The following TNNI3K variants were observed in gnomAD, a reference collection of about 807,000 sequenced individuals.
TNNI3K encodes the protein serine/threonine-protein kinase TNNI3K.
TNNI3K carries 140 observed loss-of-function variants against 114.5 expected under a neutral mutation model. The ratio of observed to expected loss-of-function variants is 1.22; its 90% CI spans 1.07 to 1.41. The LOEUF (loss-of-function observed/expected upper bound fraction) is 1.41, where lower values mean the gene tolerates loss of function less well. TNNI3K is among the 40% of genes most tolerant of loss of function. The pLI is 0.00. For missense variants in TNNI3K, 1,125 were observed against 1,007.6 expected, an observed-to-expected ratio of 1.12 and a Z score of -1.58; for synonymous variants, 347 against 347.5, an observed-to-expected ratio of 1.00 and a Z score of 0.02.
At chr1:74,258,003 C>T (rs565130465) in intron 4 of TNNI3K, among the ~76,000 whole-genome samples, 1 of 152,244 alleles carries the variant, frequency 6.6e-6, no homozygotes, top group Non-Finnish European at 1.5e-5. Flanking sequence ...GCATGTGGCT[C>T]TCACACCTGA....
At chr1:74,514,816 G>C (rs1210225625) in intron 23 of TNNI3K, among the ~76,000 whole-genome samples, 2 of 152,158 alleles carry the variant, frequency 1.3e-5, no homozygotes, top group African/African-American at 2.4e-5. Context: ...ATATGTTGAA[G>C]TCTCAGACCC....
chr1:74,388,845 C>T (rs1176902617), intron 17 of TNNI3K, among the ~76,000 whole-genome samples: 8 of 152,162 alleles, frequency 5.3e-5, no homozygotes, highest in Admixed American at 5.2e-4. Flanking sequence ...AGGAATGTCT[C>T]CCCACCTCCA....
At chr1:74,345,948 T>C (rs1447501000) in intron 9 of TNNI3K, 1 of 152,234 alleles carries the variant, frequency 6.6e-6, no homozygotes, top group African/African-American at 2.4e-5. Context: ...AAAATTTGTC[T>C]ATAAAAATCT....
Position 74,235,482 on chromosome 1 carries a change from A to C in TNNI3K, c.31A>C (p.Thr11Pro). ...AAATTATAAATCTAGACCAACCCAA[A>C]CTTGTACTGGTAATTATTCTAATTA... MGNYKSRPTQ[T>P]CTDEWKKKVS... is the part of the protein sequence containing the mutation. The change falls in exon 1 of 25, where the codon ACT becomes CCT. Residue 11 changes from threonine (T) to proline (P), a missense_variant. Thr to Pro is a conservative substitution (Grantham distance 38). Transcript: ENST00000326637. The C allele has an allele frequency of 6.8e-7, 1 of 1,477,452 alleles. No homozygotes were observed. The highest frequency in any genetic ancestry group is 9.3e-7 in the Non-Finnish European group (1 of 1,073,700). 91.5% of individuals were successfully genotyped at this position (1,477,452 alleles called of 1,614,324 possible).
chr1:74,541,678 G>C (rs1646728493), intron 24 of TNNI3K: 1 of 152,150 alleles, frequency 6.6e-6, no homozygotes, highest in Admixed American at 6.6e-5. Context: ...CCCCAAGATG[G>C]AGAAGTAAGA....
chr1:74,390,872 G>C (rs1207411755), intron 17 of TNNI3K, among the ~76,000 whole-genome samples: 1 of 151,208 alleles, frequency 6.6e-6, no homozygotes, highest in Admixed American at 6.6e-5. Flanking sequence ...GCTCCATCCT[G>C]GTAAAGATAT....
chr1:74,434,028 T>A, intron 17 of TNNI3K, among the ~76,000 whole-genome samples: 1 of 152,040 alleles, frequency 6.6e-6, no homozygotes, highest in East Asian at 1.9e-4. Context: ...ATGGATCCAC[T>A]CTACTGCTTT....
intron 5 of TNNI3K, among the ~76,000 whole-genome samples, chr1:74,306,413 T>A (rs1658636430): frequency 6.6e-6 from 1 of 152,232 alleles, no homozygotes; most frequent in Non-Finnish European, 1.5e-5. Flanking sequence ...GATTGCTGGA[T>A]CAAATGGTAG....
intron 17 of TNNI3K, among the ~76,000 whole-genome samples, chr1:74,417,636 T>A (rs538307298): frequency 6.6e-6 from 1 of 151,232 alleles, no homozygotes; most frequent in Non-Finnish European, 1.5e-5. Flanking sequence ...ACTAACAGGG[T>A]TACATGCTAT....
intron 9 of TNNI3K, among the ~76,000 whole-genome samples, chr1:74,344,474 T>G (rs1000357068): frequency 6.6e-6 from 1 of 152,166 alleles, no homozygotes; most frequent in African/African-American, 2.4e-5. Context: ...AAATATTTTG[T>G]CTGTTTTCTA....
Position 74,342,975 on chromosome 1 carries a change from C to A in TNNI3K, c.816C>A (p.Thr272=). 2 of 1,613,666 alleles carry A rather than the reference C, an allele frequency of 1.2e-6. No homozygotes were observed. Among genetic ancestry groups the A allele is most frequent in the Non-Finnish European group, 8.5e-7 (1 of 1,179,830 alleles). The stretch of plus-strand genomic sequence containing the variant: ...ATGTTGTTAATATCTATGGAGATAC[C>A]CCCTTACACCTGTGAGTATTATGTA... The part of the protein sequence containing the change: ...QPHVVNIYGD[T]PLHLACYNGK... The change falls in exon 8 of 25, where the codon ACC becomes ACA. Residue 272 remains threonine (T), a synonymous_variant. Coordinates refer to ENST00000326637, the MANE Select transcript of TNNI3K (RefSeq NM_015978.3).
Position 74,369,573 on chromosome 1 carries a change from A to G in TNNI3K, c.1655A>G (p.His552Arg). 6.8e-6 allele frequency: 11 copies of G among 1,607,890 alleles called. No homozygotes were observed. The highest frequency in any genetic ancestry group is 4.4e-5 in the South Asian group (4 of 90,108). Residue 552 changes from histidine to arginine, a missense_variant, in exon 16 of 25, where the codon CAT becomes CGT. Coordinates refer to ENST00000326637, the MANE Select transcript of TNNI3K (RefSeq NM_015978.3). ...ISGGSLFSLL[H>R]EQKRILDLQS... is the part of the protein sequence containing the mutation. ...GGGGGTTCTCTGTTCTCCCTCCTTCATGAGCAGAAGAGGTATGGGTCTTTT... is the reference window on the plus strand; with the variant it reads ...GGGGGTTCTCTGTTCTCCCTCCTTCGTGAGCAGAAGAGGTATGGGTCTTTT...
intron 5 of TNNI3K, among the ~76,000 whole-genome samples, chr1:74,328,741 G>T (rs901489696): frequency 1.3e-5 from 2 of 151,878 alleles, no homozygotes; most frequent in Non-Finnish European, 2.9e-5. Flanking sequence ...GAAAAAAAAT[G>T]GCTTTAAACT....
Position 74,436,085 on chromosome 1 carries a change from AT to A in TNNI3K, c.1779del (p.Asn593LysfsTer29). On this transcript the variant is annotated frameshift_variant, in exon 18 of 25. Transcript: ENST00000326637. LOFTEE classifies it high-confidence loss of function. ...PIIHRDLNSHNILLYEDGHAV... is the reference protein window; with the variant it reads ...PIIHRDLNSHXILLYEDGHAV... ...TTTTTTTTTTTTTTTTACAGTCACA[AT>A]ATTCTTCTCTATGAGGATGGGCATG... 2 of 1,583,014 alleles carry A rather than the reference AT, an allele frequency of 1.3e-6. No individual in the cohort carries two copies. The highest frequency in any genetic ancestry group is 1.7e-6 in the Non-Finnish European group (2 of 1,169,986).
At chr1:74,520,808 G>T (rs185313048) in intron 23 of TNNI3K, among the ~76,000 whole-genome samples, 1 of 152,270 alleles carries the variant, frequency 6.6e-6, no homozygotes, top group Non-Finnish European at 1.5e-5. Flanking sequence ...TGCAGCTGGG[G>T]TGGGTGTAAC....
chr1:74,421,051 G>C (rs1665371083), intron 17 of TNNI3K, among the ~76,000 whole-genome samples: 1 of 152,000 alleles, frequency 6.6e-6, no homozygotes, highest in South Asian at 2.1e-4. Flanking sequence ...GGAATAAGTG[G>C]GTTTAAAAAT....
intron 17 of TNNI3K, among the ~76,000 whole-genome samples, chr1:74,398,093 G>A (rs948738639): frequency 1.6e-4 from 24 of 152,222 alleles, no homozygotes; most frequent in African/African-American, 5.8e-4. Context: ...CATCAGAAAG[G>A]AAACACTATA....
intron 23 of TNNI3K, among the ~76,000 whole-genome samples, chr1:74,538,577 G>A (rs1646688849): frequency 6.6e-6 from 1 of 152,120 alleles, no homozygotes; most frequent in Admixed American, 6.6e-5. Context: ...CTGAAAGAAG[G>A]AAATAAGGCG....
At chr1:74,307,687 A>G (rs944830139) in intron 5 of TNNI3K, among the ~76,000 whole-genome samples, 2 of 152,196 alleles carry the variant, frequency 1.3e-5, no homozygotes, top group Non-Finnish European at 2.9e-5. Context: ...CCATTCAGTA[A>G]CAGTGGAGGA....
Sources: allele counts gnomAD v4.1 joint callset (sites outside exome capture counted in the v4.1 genomes callset), GRCh38; gene constraint gnomAD v4.1.1; transcripts MANE v1.5; gene names NCBI Gene and HGNC (gene_info 2026-07-23, HGNC 2026-07-21).